Variants in RNF125 observed in about 807,000 individuals in gnomAD.
RNF125 encodes the protein E3 ubiquitin-protein ligase RNF125.
RNF125 carries 21 observed loss-of-function variants against 26.0 expected under a neutral mutation model. That is an observed-to-expected ratio of 0.81 (90% CI 0.57 to 1.16). The LOEUF (loss-of-function observed/expected upper bound fraction) is 1.16, where lower values mean the gene tolerates loss of function less well. RNF125 is among the 50% of genes most tolerant of loss of function. RNF125 has a pLI of 0.00. For synonymous variants in RNF125, 95 were observed against 109.2 expected (o/e 0.87, Z 0.81); for missense variants, 270 against 299.4 (o/e 0.90, Z 0.72).
chr18:32,040,614 T>C (rs1168616282), intron 2 of RNF125, among the ~76,000 whole-genome samples: 1 of 152,158 alleles, frequency 6.6e-6, no homozygotes, highest in East Asian at 1.9e-4. Context: ...CATCCTTTTT[T>C]CTTCTGTTAG....
At chr18:32,042,399 T>C (rs1442518457) in intron 3 of RNF125, 126 bp downstream of exon 3, 1 of 630,054 alleles carries the variant, frequency 1.6e-6, no homozygotes, top group Non-Finnish European at 2.7e-6. Flanking sequence ...TTAACTATAA[T>C]ACCTGGTACT....
chr18:32,025,329 T>C (rs1008500897), intron 1 of RNF125, among the ~76,000 whole-genome samples: 3 of 151,300 alleles, frequency 2.0e-5, no homozygotes, highest in Admixed American at 6.6e-5. Context: ...CATGAGAGGA[T>C]GGACCCTGCC....
chr18:32,074,306 A>C (rs756271356), downstream of RNF125, among the ~76,000 whole-genome samples: 2 of 152,194 alleles, frequency 1.3e-5, no homozygotes, highest in African/African-American at 4.8e-5. Flanking sequence ...ACATGGCCAT[A>C]TGTAATGTCA....
downstream of RNF125, among the ~76,000 whole-genome samples, chr18:32,075,622 G>A (rs1440045364): frequency 6.6e-6 from 1 of 150,930 alleles, no homozygotes; most frequent in African/African-American, 2.4e-5. Context: ...GAACCTGGGA[G>A]GTGGAGGTTG....
the RNF125 span, among the ~76,000 whole-genome samples, chr18:32,080,795 G>C: frequency 6.6e-6 from 1 of 152,230 alleles, no homozygotes; most frequent in Non-Finnish European, 1.5e-5. Context: ...AGAATGGCGT[G>C]AACCCGGGAG....
the RNF125 span, among the ~76,000 whole-genome samples, chr18:32,080,870 C>T: frequency 6.6e-6 from 1 of 152,064 alleles, no homozygotes; most frequent in African/African-American, 2.4e-5. Context: ...TGCGAGACTG[C>T]GTCTCAAAAA....
At chr18:32,024,599 C>G (rs1008315452) in intron 1 of RNF125, among the ~76,000 whole-genome samples, 7 of 152,130 alleles carry the variant, frequency 4.6e-5, no homozygotes, top group African/African-American at 1.7e-4. Flanking sequence ...CCCCACCACA[C>G]CCTGCTAAAA....
At chr18:32,074,235 G>A (rs563106849), downstream of RNF125, among the ~76,000 whole-genome samples, 5 of 152,132 alleles carry the variant, frequency 3.3e-5, no homozygotes, top group Middle Eastern at 3.4e-3. Flanking sequence ...ATCACCCCTC[G>A]CAACAGGCTG....
At chr18:32,073,413 G>C (rs2039549395), downstream of RNF125, among the ~76,000 whole-genome samples, 1 of 152,178 alleles carries the variant, frequency 6.6e-6, no homozygotes, top group East Asian at 1.9e-4. Context: ...CTAGTGGCCT[G>C]AGATCTAGAT....
chr18:32,064,986 T>C (rs2144515042), intron 4 of RNF125, among the ~76,000 whole-genome samples: 1 of 152,318 alleles, frequency 6.6e-6, no homozygotes. Context: ...TTAAGTAAAT[T>C]ATGGTACATG....
downstream of RNF125, among the ~76,000 whole-genome samples, chr18:32,073,981 C>T (rs557691882): frequency 8.5e-4 from 130 of 152,318 alleles, 1 homozygote; most frequent in African/African-American, 3.1e-3. Flanking sequence ...AAAGACAATG[C>T]ATGGATCTTA....
At chr18:32,086,288 A>G in the RNF125 span, among the ~76,000 whole-genome samples, 15 of 149,658 alleles carry the variant, frequency 1.0e-4, no homozygotes, top group East Asian at 1.8e-3. Flanking sequence ...GGCTCAAGCA[A>G]TCCTCCTGCC....
intron 4 of RNF125, among the ~76,000 whole-genome samples, chr18:32,056,116 C>CT (rs1198406955): frequency 1.0e-4 from 15 of 150,366 alleles, no homozygotes; most frequent in South Asian, 4.2e-4. Flanking sequence ...TCATATAGGA[C>CT]TTTTTTTTTC....
chr18:32,078,540 C>T, the RNF125 span, among the ~76,000 whole-genome samples: 8 of 151,460 alleles, frequency 5.3e-5, no homozygotes, highest in Non-Finnish European at 8.8e-5. Context: ...CTTGGGAGGC[C>T]GAGGCATGAG....
chr18:32,072,806 T>A lies in RNF125; in HGVS notation c.*4422T>A, dbSNP rs761275163. The A allele has an allele frequency of 2.6e-5, 4 of 152,210 alleles. No individual in the cohort carries two copies. Among genetic ancestry groups the A allele is most frequent in the Non-Finnish European group, 5.9e-5 (4 of 68,028 alleles). The allele number at this position is 152,210 out of a possible 1,614,324, so 9.4% of individuals were successfully genotyped here. A position where few individuals can be genotyped will look rare whatever the true frequency, so the allele number is the denominator to read the frequency against. On this transcript the variant is annotated 3_prime_UTR_variant, in exon 6 of 6. Transcript: ENST00000217740. ...GATTCACATGTTATTCTTCTAAAGC[T>A]AAATTATTAAAATGTAGGTTGAAAG...
intron 1 of RNF125, among the ~76,000 whole-genome samples, chr18:32,030,339 G>A (rs1339206782): frequency 1.3e-5 from 2 of 152,108 alleles, no homozygotes; most frequent in Non-Finnish European, 2.9e-5. Context: ...CACCCTACCC[G>A]GCAGTGAATG....
At chr18:32,020,416 G>A (rs1019890904) in intron 1 of RNF125, among the ~76,000 whole-genome samples, 3 of 151,850 alleles carry the variant, frequency 2.0e-5, no homozygotes, top group East Asian at 2.0e-4. Flanking sequence ...GATCAGGAGC[G>A]GAAGCCTACT....
At chr18:32,067,302 C>G (rs1352805736) in intron 5 of RNF125, among the ~76,000 whole-genome samples, 1 of 152,134 alleles carries the variant, frequency 6.6e-6, no homozygotes, top group Non-Finnish European at 1.5e-5. Flanking sequence ...AAAGCCAGGT[C>G]GATTCTATGG....
intron 5 of RNF125, among the ~76,000 whole-genome samples, chr18:32,066,931 G>A (rs139103066): frequency 9.3e-4 from 142 of 152,258 alleles, no homozygotes; most frequent in African/African-American, 3.3e-3. Flanking sequence ...CTTGGTTCTG[G>A]TCTATGTGTT....
Sources: gnomAD v4.1 joint callset for allele counts (sites outside exome capture counted in the v4.1 genomes callset) on GRCh38, gnomAD v4.1.1 for gene constraint, MANE v1.5 for transcripts, NCBI Gene and HGNC (gene_info 2026-07-23, HGNC 2026-07-21) for gene names.